Variants in CCDC88B observed in about 807,000 individuals in gnomAD.
CCDC88B encodes coiled-coil domain-containing protein 88B.
In CCDC88B, 138 loss-of-function variants were observed where a neutral mutation model predicts 183.7. The ratio of observed to expected loss-of-function variants is 0.75; its 90% CI spans 0.65 to 0.87. CCDC88B has a LOEUF of 0.87. Ranked by LOEUF, CCDC88B falls within the 40% of genes least tolerant of loss-of-function variation. The pLI is 0.00. For missense variants in CCDC88B, 1,822 were observed against 1,965.6 expected (o/e 0.93, Z 1.38); for synonymous variants, 835 against 867.5 (o/e 0.96, Z 0.66).
rs1424609190 is a variant in CCDC88B, at chr11:64,343,335, C to A, written c.1209+10C>A. The A allele has an allele frequency of 6.5e-7, 1 of 1,549,540 alleles. No individual in the cohort carries two copies. The highest frequency in any genetic ancestry group is 8.7e-7 in the Non-Finnish European group (1 of 1,146,112). On this transcript the variant is annotated intron_variant, in intron 11 of 26. Transcript: ENST00000356786. ...GGGCGAGGCCCATGCGGTAAGGTAGCCAGAGTGATCCCACTTGGGTTGCCC... is the reference window on the plus strand; with the variant it reads ...GGGCGAGGCCCATGCGGTAAGGTAGACAGAGTGATCCCACTTGGGTTGCCC...
chr11:64,343,950 C>A, intron 13 of CCDC88B, 36 bp downstream of exon 13: 5 of 1,569,748 alleles, frequency 3.2e-6, no homozygotes, highest in Non-Finnish European at 4.3e-6. Flanking sequence ...GCCGGCCCTT[C>A]CCCTAGTCCC....
In CCDC88B at chr11:64,342,690, A is replaced by C; in HGVS notation, c.1062+10A>C. On this transcript the variant is annotated intron_variant, in intron 10 of 26. Transcript: ENST00000356786. ...CAAGAGTCAGCTGGAGGTGAGGCGG[A>C]GACGGAGCCGCGGGGCGGGGCGTGC... 4 of 1,471,106 alleles carry C rather than the reference A, an allele frequency of 2.7e-6. No homozygotes were observed. Among genetic ancestry groups the C allele is most frequent in the South Asian group, 1.3e-5 (1 of 74,890 alleles). The allele number at this position is 1,471,106 out of a possible 1,614,324, so 91.1% of individuals were successfully genotyped here. A position where few individuals can be genotyped will look rare whatever the true frequency, so the allele number is the denominator to read the frequency against.
chr11:64,354,379 C>T (rs2036461048), intron 24 of CCDC88B, among the ~76,000 whole-genome samples: 1 of 152,108 alleles, frequency 6.6e-6, no homozygotes, highest in African/African-American at 2.4e-5. Flanking sequence ...CCTGTGCTGT[C>T]CCCGACCCAG....
intron 7 of CCDC88B, 26 bp from the exon 8 acceptor site, chr11:64,341,968 C>T (rs2035880855): frequency 6.8e-6 from 11 of 1,612,208 alleles, no homozygotes; most frequent in Non-Finnish European, 9.3e-6. Flanking sequence ...ATAAGTTAGT[C>T]CTGACCCTTG....
In CCDC88B at chr11:64,343,818, G is replaced by A. The variant is rs369854669; in HGVS notation, c.1359G>A (p.Val453=). The A allele has an allele frequency of 3.8e-6, 6 of 1,593,514 alleles. No individual in the cohort carries two copies. Among genetic ancestry groups the A allele is most frequent in the Non-Finnish European group, 5.1e-6 (6 of 1,170,420 alleles). ...CGGCCCCCTCGCTGCAAGATGAGGT[G>A]AGGGAGGCAGAGGCTGGGCGGCTTC... ...AGAAPSLQDE[V]REAEAGRLRT... is the part of the protein sequence containing the mutation. Residue 453 remains valine, a synonymous_variant, in exon 13 of 27, where the codon GTG becomes GTA. Coordinates refer to ENST00000356786, the MANE Select transcript of CCDC88B (RefSeq NM_032251.6).
Position 64,352,127 on chromosome 11 carries a change from T to G in CCDC88B, c.3100-3T>G. ...CAGCCCCTGCTTCCCTCCTCCATCC[T>G]AGGCCGAGAAGTCTGTGCTGGAGAT... On this transcript the variant is annotated splice_polypyrimidine_tract_variant and splice_region_variant and intron_variant, in intron 18 of 26. Coordinates refer to ENST00000356786, the MANE Select transcript of CCDC88B (RefSeq NM_032251.6). 6.4e-7 allele frequency: 1 copy of G among 1,551,270 alleles called. No individual in the cohort carries two copies. The highest frequency in any genetic ancestry group is 8.7e-7 in the Non-Finnish European group (1 of 1,144,616).
chr11:64,353,906 C>A (rs1317599236), intron 23 of CCDC88B, 93 bp downstream of exon 23: 1 of 1,577,566 alleles, frequency 6.3e-7, no homozygotes, highest in Non-Finnish European at 8.7e-7. Context: ...CAGGTCCAGG[C>A]CCCATGAAGG....
chr11:64,340,485 G>A, intron 1 of CCDC88B, 122 bp from the exon 2 acceptor site: 1 of 1,460,508 alleles, frequency 6.8e-7, no homozygotes, highest in Non-Finnish European at 9.1e-7. Flanking sequence ...GCTGTGGTGA[G>A]GGAAGAGGGG....
intron 15 of CCDC88B, 46 bp downstream of exon 15, chr11:64,349,504 T>TGGGGG: frequency 5.0e-6 from 1 of 198,574 alleles, no homozygotes; most frequent in Non-Finnish European, 9.1e-6. Context: ...AGGGGTGTGG[T>TGGGGG]GGGGCGAGGG....
chr11:64,352,594 A>T (rs1156244611), intron 19 of CCDC88B, 150 bp from the exon 20 acceptor site: 1 of 1,353,806 alleles, frequency 7.4e-7, no homozygotes, highest in African/African-American at 1.5e-5. Flanking sequence ...AGTGGTGGGC[A>T]CCTGGCATGG....
rs772540469 is a variant in CCDC88B, at chr11:64,355,294, C to G, written c.4200C>G (p.Phe1400Leu). The G allele has an allele frequency of 2.0e-5, 32 of 1,591,456 alleles. No individual in the cohort carries two copies. The highest frequency in any genetic ancestry group is 2.6e-5 in the Non-Finnish European group (30 of 1,169,612). The change falls in exon 25 of 27, where the codon TTC (phenylalanine) becomes TTG (leucine). Residue 1400 changes from phenylalanine (F) to leucine (L), a missense_variant. Coordinates refer to ENST00000356786, the MANE Select transcript of CCDC88B (RefSeq NM_032251.6). ...AGCGGCGGAAACTCAGCTCAAGGTT[C>G]CCGGTGGGGCGAAGCTCTGAGTCAT... ...GGQRRKLSSR[F>L]PVGRSSESFS...
intron 14 of CCDC88B, chr11:64,348,861 C>T: frequency 1.6e-6 from 1 of 620,888 alleles, no homozygotes; most frequent in Non-Finnish European, 3.0e-6. Context: ...CCTGCCCCCC[C>T]AGCCCCCACT....
chr11:64,351,339 T>C (rs1254950495), intron 17 of CCDC88B, 84 bp downstream of exon 17: 3 of 1,494,610 alleles, frequency 2.0e-6, no homozygotes, highest in African/African-American at 1.4e-5. Flanking sequence ...GGCTGGGGGG[T>C]ATCCCGTGCA....
At chr11:64,348,714 C>T (rs1464191337) in intron 14 of CCDC88B, 9 of 427,960 alleles carry the variant, frequency 2.1e-5, no homozygotes, top group African/African-American at 4.1e-5. Flanking sequence ...CCTGCCAGGC[C>T]CCCCATGTGG....
intron 26 of CCDC88B, chr11:64,356,719 G>A (rs985302518): frequency 3.1e-5 from 13 of 420,918 alleles, no homozygotes; most frequent in African/African-American, 2.0e-4. Context: ...TGGGAAGAAA[G>A]GAGAGCAGGG....
chr11:64,341,558 C>T (rs2035854031), intron 6 of CCDC88B, 41 bp from the exon 7 acceptor site: 1 of 1,610,284 alleles, frequency 6.2e-7, no homozygotes, highest in South Asian at 1.1e-5. Context: ...ACGCCCTTGC[C>T]ACACCGCGGC....
rs2035862464 is a variant in CCDC88B, at chr11:64,341,697, G to A, written c.630G>A (p.Met210Ile). Residue 210 changes from methionine (M) to isoleucine (I), a missense_variant, in exon 7 of 27, where the codon ATG becomes ATA. Transcript: ENST00000356786. ...AELEMLSRSL[M>I]GTLSKLARER... ...TGGAGATGCTGTCCCGGAGCCTGAT[G>A]GGGACACTGTCGAAGCTGGCACGGG... 1 of 1,605,792 alleles carries A rather than the reference G, an allele frequency of 6.2e-7. No individual in the cohort carries two copies.
chr11:64,340,808 G>T, intron 2 of CCDC88B, 56 bp downstream of exon 2: 1 of 1,557,986 alleles, frequency 6.4e-7, no homozygotes. Flanking sequence ...GAGGGGAAGC[G>T]GGTGGGCGGA....
chr11:64,353,523 G>A (rs2036426152), intron 22 of CCDC88B, 27 bp downstream of exon 22: 1 of 1,605,758 alleles, frequency 6.2e-7, no homozygotes. Context: ...GGAGCGGGGT[G>A]GGGCCTGCAT....
Sources: allele counts gnomAD v4.1 joint callset (sites outside exome capture counted in the v4.1 genomes callset), GRCh38; gene constraint gnomAD v4.1.1; transcripts MANE v1.5; gene names NCBI Gene and HGNC (gene_info 2026-07-23, HGNC 2026-07-21).